The following CSGALNACT2 variants were observed in gnomAD, a reference collection of about 807,000 sequenced individuals.
CSGALNACT2 encodes chondroitin sulfate N-acetylgalactosaminyltransferase 2.
In CSGALNACT2, 35 loss-of-function variants were observed where a neutral mutation model predicts 55.3. That is an observed-to-expected ratio of 0.63 (90% CI 0.48 to 0.84). The LOEUF (loss-of-function observed/expected upper bound fraction) is 0.84. Ranked by LOEUF, CSGALNACT2 falls within the 40% of genes least tolerant of loss-of-function variation. The pLI is 0.00. For synonymous variants in CSGALNACT2, 196 were observed against 224.9 expected, an observed-to-expected ratio of 0.87 and a Z score of 1.15; for missense variants, 544 against 657.5, an observed-to-expected ratio of 0.83 and a Z score of 1.89.
intron 4 of CSGALNACT2, among the ~76,000 whole-genome samples, chr10:43,161,106 G>A (rs1839138572): frequency 6.6e-6 from 1 of 152,090 alleles, no homozygotes; most frequent in Admixed American, 6.5e-5. Context: ...TATAGTACCT[G>A]GCACATAGTA....
intron 3 of CSGALNACT2, among the ~76,000 whole-genome samples, 197 bp from the exon 4 acceptor site, chr10:43,160,297 C>T (rs1839115577): frequency 6.6e-6 from 1 of 152,222 alleles, no homozygotes; most frequent in African/African-American, 2.4e-5. Flanking sequence ...TGTCAGACTG[C>T]TTCCATGGCC....
At chr10:43,150,324 G>A (rs1002056659) in intron 1 of CSGALNACT2, among the ~76,000 whole-genome samples, 5 of 152,048 alleles carry the variant, frequency 3.3e-5, no homozygotes, top group South Asian at 2.1e-4. Flanking sequence ...TACCAATGTC[G>A]TTAACATTAA....
intron 1 of CSGALNACT2, among the ~76,000 whole-genome samples, chr10:43,138,909 C>G (rs1838557205): frequency 6.6e-6 from 1 of 152,214 alleles, no homozygotes; most frequent in South Asian, 2.1e-4. Flanking sequence ...CCCTCAGCCC[C>G]TCTTTATCTG....
chr10:43,149,858 G>A lies in CSGALNACT2; in HGVS notation c.-253-5039G>A, dbSNP rs962275197. ...TGAGGCGGGTGGATCACCTGAGGTC[G>A]AGAGTTCAAGACCAGCCTGACCAAC... On this transcript the variant is annotated intron_variant, in intron 1 of 7. Coordinates refer to ENST00000374466, the MANE Select transcript of CSGALNACT2 (RefSeq NM_018590.5). 3.9e-5 allele frequency among the ~76,000 whole-genome samples: 6 copies of A among 152,058 alleles called. No homozygotes were observed. In the East Asian group the frequency reaches 5.8e-4, roughly 15 times the overall value.
In CSGALNACT2 at chr10:43,163,915, A is replaced by AAT; in HGVS notation, c.1031_1032dup (p.Arg345IlefsTer6). 6.2e-7 allele frequency: 1 copy of AAT among 1,614,188 alleles called. No homozygotes were observed. On this transcript the variant is annotated frameshift_variant, in exon 5 of 8. Transcript: ENST00000374466. LOFTEE classifies it high-confidence loss of function. ...CTTGGTCTCATTGAATGAAGAATTTAATCGTGGACGAGGACTAAATGTGGG... is the reference window on the plus strand; with the variant it reads ...CTTGGTCTCATTGAATGAAGAATTTAATATCGTGGACGAGGACTAAATGTGGG...
At chr10:43,165,766 G>A (rs147524812) in intron 5 of CSGALNACT2, among the ~76,000 whole-genome samples, 6,664 of 152,278 alleles carry the variant, frequency 0.044, 179 homozygotes, top group South Asian at 0.089. Flanking sequence ...CGAGGCAGGC[G>A]GATCACCTCA....
intron 1 of CSGALNACT2, among the ~76,000 whole-genome samples, chr10:43,152,804 C>G (rs1165298795): frequency 6.6e-6 from 1 of 152,044 alleles, no homozygotes; most frequent in African/African-American, 2.4e-5. Flanking sequence ...AAGATTATGT[C>G]TCCACATTTT....
chr10:43,143,830 T>C (rs112931594), intron 1 of CSGALNACT2, among the ~76,000 whole-genome samples: 7,203 of 152,204 alleles, frequency 0.047, 414 homozygotes, highest in African/African-American at 0.14. Context: ...GCACAGTGCC[T>C]GACACACAGT....
chr10:43,177,899 C>T (rs1839511309), intron 7 of CSGALNACT2, among the ~76,000 whole-genome samples: 1 of 152,202 alleles, frequency 6.6e-6, no homozygotes, highest in Non-Finnish European at 1.5e-5. Flanking sequence ...TTAGGAGTTC[C>T]AGTTTCCCCA....
At chr10:43,150,851 G>A (rs905021182) in intron 1 of CSGALNACT2, among the ~76,000 whole-genome samples, 7 of 152,254 alleles carry the variant, frequency 4.6e-5, no homozygotes, top group Admixed American at 4.6e-4. Flanking sequence ...TAGGCTGTTT[G>A]AAGTTGTCAC....
At chr10:43,150,185 T>C (rs760665110) in intron 1 of CSGALNACT2, among the ~76,000 whole-genome samples, 1 of 152,252 alleles carries the variant, frequency 6.6e-6, no homozygotes, top group East Asian at 1.9e-4. Context: ...TCTTTTGTCA[T>C]ATAAGTCTAT....
At chr10:43,156,007 T>G (rs1468237611) in intron 2 of CSGALNACT2, among the ~76,000 whole-genome samples, 197 bp downstream of exon 2, 2 of 152,210 alleles carry the variant, frequency 1.3e-5, no homozygotes, top group African/African-American at 4.8e-5. Flanking sequence ...CCAAGAATTT[T>G]AAGTGGCCTT....
intron 2 of CSGALNACT2, among the ~76,000 whole-genome samples, chr10:43,156,409 T>G (rs1839010447): frequency 6.6e-6 from 1 of 152,244 alleles, no homozygotes; most frequent in Admixed American, 6.5e-5. Flanking sequence ...AACACTGCTA[T>G]AAAATTTAAG....
At position 43,155,095 on chromosome 10, in the gene CSGALNACT2, A is replaced by T; in HGVS notation, c.-55A>T. On this transcript the variant is annotated 5_prime_UTR_variant, in exon 2 of 8. Transcript: ENST00000374466. ...TTTTAATTTTTGATAACTTTTTACT[A>T]AAGGTATGAACACACAAAGAGCTTA... 3 of 1,322,554 alleles carry T rather than the reference A, an allele frequency of 2.3e-6. No homozygotes were observed. Among genetic ancestry groups the T allele is most frequent in the Non-Finnish European group, 3.1e-6 (3 of 952,456 alleles). The allele number at this position is 1,322,554 out of a possible 1,614,324, so 81.9% of individuals were successfully genotyped here.
At chr10:43,164,231 A>G (rs1342106650) in intron 5 of CSGALNACT2, among the ~76,000 whole-genome samples, 187 bp downstream of exon 5, 1 of 152,238 alleles carries the variant, frequency 6.6e-6, no homozygotes, top group Non-Finnish European at 1.5e-5. Context: ...TTTGAAATTC[A>G]TATCCTTTGT....
At chr10:43,170,112 GTAAA>G (rs1229337877) in intron 6 of CSGALNACT2, among the ~76,000 whole-genome samples, 1 of 152,166 alleles carries the variant, frequency 6.6e-6, no homozygotes, top group African/African-American at 2.4e-5. Context: ...ATGTAATAGT[GTAAA>G]TAGTTATGTT....
chr10:43,164,894 A>G (rs1839228266), intron 5 of CSGALNACT2, among the ~76,000 whole-genome samples: 1 of 151,994 alleles, frequency 6.6e-6, no homozygotes, highest in African/African-American at 2.4e-5. Flanking sequence ...TTGAAATCAA[A>G]TTTTAAATGC....
intron 6 of CSGALNACT2, among the ~76,000 whole-genome samples, chr10:43,173,762 G>A (rs1839426666): frequency 6.6e-6 from 1 of 152,150 alleles, no homozygotes; most frequent in Non-Finnish European, 1.5e-5. Context: ...GGATGCCGAG[G>A]TGGGTGGATC....
intron 7 of CSGALNACT2, among the ~76,000 whole-genome samples, chr10:43,181,043 C>T (rs748403146): frequency 8.5e-5 from 13 of 152,186 alleles, no homozygotes; most frequent in Non-Finnish European, 1.2e-4. Context: ...CACTGCTGGA[C>T]GCATTAAGAG....
Sources: allele counts gnomAD v4.1 joint callset (sites outside exome capture counted in the v4.1 genomes callset), GRCh38; gene constraint gnomAD v4.1.1; transcripts MANE v1.5; gene names NCBI Gene and HGNC (gene_info 2026-07-23, HGNC 2026-07-21).